SLC24A2: variants seen among roughly 807,000 people sequenced by gnomAD.
SLC24A2 encodes the protein solute carrier family 24 member 2, also known as sodium/potassium/calcium exchanger 2.
SLC24A2 carries 36 observed loss-of-function variants against 62.0 expected under a neutral mutation model. The observed-to-expected ratio is 0.58, with a 90% CI of 0.44 to 0.77. The LOEUF (loss-of-function observed/expected upper bound fraction) is 0.77. Ranked by LOEUF, SLC24A2 falls within the 30% of genes least tolerant of loss-of-function variation. SLC24A2 has a pLI of 0.00. For missense variants in SLC24A2, 846 were observed against 817.9 expected (o/e 1.03, Z -0.42); for synonymous variants, 358 against 294.0 (o/e 1.22, Z -2.23).
chr9:19,701,778 T>C (rs1020292680), intron 2 of SLC24A2, among the ~76,000 whole-genome samples: 6 of 152,140 alleles, frequency 3.9e-5, no homozygotes, highest in African/African-American at 1.4e-4. Flanking sequence ...TGAAAATTCC[T>C]CCACACTATG....
chr9:19,786,776 T>G lies in SLC24A2; in HGVS notation c.91A>C (p.Lys31Gln), dbSNP rs758638449. 4.4e-6 allele frequency: 7 copies of G among 1,603,916 alleles called. No individual in the cohort carries two copies. The highest frequency in any genetic ancestry group is 8.5e-7 in the Non-Finnish European group (1 of 1,175,104). Residue 31 changes from lysine to glutamine, a missense_variant, in exon 2 of 11, where the codon AAG (lysine) becomes CAG (glutamine). Lys to Gln is a moderately conservative substitution (Grantham distance 53, BLOSUM62 1). Coordinates refer to ENST00000341998, the MANE Select transcript of SLC24A2 (RefSeq NM_020344.4). This position sits in a 1 kb window ranked among gnomAD's most constrained non-coding sequence, Gnocchi z 5.0. ...LSGCRRHYSVKKKLKLIRVLG... is the reference protein window; with the variant it reads ...LSGCRRHYSVQKKLKLIRVLG... ...ACTCGAATTAACTTCAGTTTTTTCT[T>G]GACACTATAATGTCTTCTGCAGCCA...
the SLC24A2 span, among the ~76,000 whole-genome samples, chr9:20,172,627 C>G: frequency 2.6e-5 from 4 of 151,974 alleles, no homozygotes; most frequent in African/African-American, 7.2e-5. Context: ...TGGAAAGATA[C>G]AACTCTCCTA....
the SLC24A2 span, among the ~76,000 whole-genome samples, chr9:19,864,690 G>A: frequency 6.6e-6 from 1 of 151,500 alleles, no homozygotes; most frequent in Non-Finnish European, 1.5e-5. Flanking sequence ...ACATATCTCA[G>A]CATAATAAAA....
At chr9:19,944,175 TC>T in the SLC24A2 span, among the ~76,000 whole-genome samples, 1 of 152,076 alleles carries the variant, frequency 6.6e-6, no homozygotes, top group African/African-American at 2.4e-5. Context: ...AGCACCTAGG[TC>T]CAACTCAACT....
chr9:20,055,428 A>G, the SLC24A2 span, among the ~76,000 whole-genome samples: 1 of 152,208 alleles, frequency 6.6e-6, no homozygotes, highest in Non-Finnish European at 1.5e-5. Context: ...ATAAATATTA[A>G]GTAAGTATAA....
At chr9:19,645,872 T>C (rs1052077686) in intron 2 of SLC24A2, among the ~76,000 whole-genome samples, 4 of 152,196 alleles carry the variant, frequency 2.6e-5, no homozygotes, top group Admixed American at 6.5e-5. Flanking sequence ...AAGAAAAGGA[T>C]CCCTAGAGAA....
At chr9:20,166,985 C>T in the SLC24A2 span, among the ~76,000 whole-genome samples, 13 of 152,058 alleles carry the variant, frequency 8.5e-5, no homozygotes, top group East Asian at 2.0e-4. Context: ...GGACTACAGG[C>T]GCACACCACC....
intron 7 of SLC24A2, among the ~76,000 whole-genome samples, chr9:19,558,206 G>A (rs1284743859): frequency 6.6e-6 from 1 of 152,128 alleles, no homozygotes; most frequent in Non-Finnish European, 1.5e-5. Context: ...TGAAATGAAG[G>A]GCAGACCTGG....
chr9:19,593,694 C>A (rs1345810427), intron 5 of SLC24A2, among the ~76,000 whole-genome samples: 2 of 152,058 alleles, frequency 1.3e-5, no homozygotes, highest in African/African-American at 4.8e-5. Flanking sequence ...GTAGCCAATT[C>A]CATCTGCCCC....
chr9:19,824,894 AT>A, the SLC24A2 span, among the ~76,000 whole-genome samples: 2 of 152,178 alleles, frequency 1.3e-5, no homozygotes, highest in African/African-American at 2.4e-5. Flanking sequence ...GCTGGAAACC[AT>A]CATTTTCAGC....
chr9:20,293,766 T>C, the SLC24A2 span, among the ~76,000 whole-genome samples: 4 of 152,106 alleles, frequency 2.6e-5, no homozygotes, highest in East Asian at 7.7e-4. Context: ...CTATTTTCTG[T>C]TGTCAATTTG....
At position 19,513,972 on chromosome 9, in the gene SLC24A2, T is replaced by C. The variant is rs1038072124; in HGVS notation, c.*2181A>G. Reference sequence around the variant, plus strand: ...TGGCAGGTTCCACTCAGCGCCTCTATTGGATGGTGTTTCAATGTCTTGGAA... The same window carrying C: ...TGGCAGGTTCCACTCAGCGCCTCTACTGGATGGTGTTTCAATGTCTTGGAA... On this transcript the variant is annotated 3_prime_UTR_variant, in exon 11 of 11. Transcript: ENST00000341998. 5.3e-5 allele frequency: 8 copies of C among 152,224 alleles called. No homozygotes were observed. The highest frequency in any genetic ancestry group is 2.4e-5 in the African/African-American group (1 of 41,454). The allele number at this position is 152,224 out of a possible 1,614,324, so 9.4% of individuals were successfully genotyped here. A position where few individuals can be genotyped will look rare whatever the true frequency, so the allele number is the denominator to read the frequency against.
chr9:19,692,476 T>A (rs1002074593), intron 2 of SLC24A2, among the ~76,000 whole-genome samples: 2 of 152,144 alleles, frequency 1.3e-5, no homozygotes, highest in Non-Finnish European at 2.9e-5. Context: ...TATTAGTTTT[T>A]TTTGGTCTTT....
the SLC24A2 span, among the ~76,000 whole-genome samples, chr9:20,031,765 G>C: frequency 1.3e-5 from 2 of 152,202 alleles, no homozygotes; most frequent in South Asian, 2.1e-4. Flanking sequence ...CTGACTCTAG[G>C]ATTTTGGCAC....
the SLC24A2 span, among the ~76,000 whole-genome samples, chr9:19,946,875 T>C: frequency 0.32 from 48,915 of 152,168 alleles, 8,329 homozygotes; most frequent in South Asian, 0.45. Context: ...TTTCTCATTG[T>C]TGTTACTGCT....
chr9:20,245,190 G>A, the SLC24A2 span, among the ~76,000 whole-genome samples: 1 of 152,216 alleles, frequency 6.6e-6, no homozygotes, highest in East Asian at 1.9e-4. Flanking sequence ...CTAGTGGGAG[G>A]AGAGAAGAAG....
chr9:20,260,958 C>T, the SLC24A2 span, among the ~76,000 whole-genome samples: 3 of 149,542 alleles, frequency 2.0e-5, no homozygotes, highest in Non-Finnish European at 4.4e-5. Context: ...CGGGTTCAAG[C>T]GATTCTCCTG....
the SLC24A2 span, among the ~76,000 whole-genome samples, chr9:19,805,019 G>T: frequency 6.6e-6 from 1 of 152,034 alleles, no homozygotes; most frequent in East Asian, 1.9e-4. Flanking sequence ...TTACAAGAAA[G>T]AAATGTTTTA....
chr9:19,522,535 G>A (rs1277916382), intron 9 of SLC24A2, among the ~76,000 whole-genome samples: 2 of 152,162 alleles, frequency 1.3e-5, no homozygotes, highest in East Asian at 3.9e-4. Flanking sequence ...GAAATAGTAT[G>A]ATTCCTACTA....
Sources: gnomAD v4.1 joint callset for allele counts (sites outside exome capture counted in the v4.1 genomes callset) on GRCh38, gnomAD v4.1.1 for gene constraint, Gnocchi (gnomAD v3.1) non-coding constraint, MANE v1.5 for transcripts, NCBI Gene and HGNC (gene_info 2026-07-23, HGNC 2026-07-21) for gene names.